The following MAX variants were observed in gnomAD, a reference collection of about 807,000 sequenced individuals.
MAX encodes MYC associated transcriptional regulator X, also known as protein max.
MAX carries 3 observed loss-of-function variants against 22.3 expected under a neutral mutation model. The observed-to-expected ratio is 0.13, with a 90% CI of 0.06 to 0.35. MAX has a LOEUF of 0.35. Among genes scored for constraint, MAX ranks in the 10% least tolerant of loss-of-function variants. The pLI is 1.00. For missense variants in MAX, 119 were observed against 209.4 expected (o/e 0.57, Z 2.66); for synonymous variants, 72 against 77.7 (o/e 0.93, Z 0.39).
rs1301907346 is a variant in MAX, at chr14:65,030,749, A to G, written c.172-24465T>C. Among the ~76,000 whole-genome samples, 1 of 152,024 alleles carries G rather than the reference A, an allele frequency of 6.6e-6. No individual in the cohort carries two copies. The highest frequency in any genetic ancestry group is 1.5e-5 in the Non-Finnish European group (1 of 68,000). On this transcript the variant is annotated intron_variant, in intron 3 of 3. Coordinates refer to the MAX transcript ENST00000341653. This position sits in a 1 kb window ranked among gnomAD's most constrained non-coding sequence, Gnocchi z 4.5. Reference sequence around the variant, plus strand: ...AGTGAGATCCTATCTTAAAAAAAAAAAAGAAGATGGAAACTAGGCCCTTCT... The same window carrying G: ...AGTGAGATCCTATCTTAAAAAAAAAGAAGAAGATGGAAACTAGGCCCTTCT...
intron 3 of MAX, among the ~76,000 whole-genome samples, chr14:65,060,741 C>G (rs1395840992): frequency 6.8e-6 from 1 of 147,556 alleles, no homozygotes; most frequent in Non-Finnish European, 1.5e-5. Flanking sequence ...GGCGTGGTGG[C>G]TCACACCTGT....
In MAX at chr14:65,027,438, T is replaced by C. The variant is rs773669436; in HGVS notation, c.172-21154A>G. The C allele has an allele frequency of 2.5e-6, 4 of 1,613,570 alleles. No individual in the cohort carries two copies. The highest frequency in any genetic ancestry group is 3.4e-6 in the Non-Finnish European group (4 of 1,179,794). On this transcript the variant is annotated intron_variant, in intron 3 of 3. Transcript: ENST00000341653. The surrounding 1 kb of genome is among the most constrained non-coding windows in gnomAD (Gnocchi z 5.7). Reference sequence around the variant, plus strand: ...GCTCTCTGACTTTGTTTTTGCCCTTTGGCTGTGTACCTAGTGTGTGTCAGT... The same window carrying C: ...GCTCTCTGACTTTGTTTTTGCCCTTCGGCTGTGTACCTAGTGTGTGTCAGT...
rs983039906 is a variant in MAX, at chr14:65,102,437, C to CCACA, written c.-102_-99dup. 5.2e-6 allele frequency: 8 copies of CCACA among 1,551,728 alleles called. No homozygotes were observed. Among genetic ancestry groups the CCACA allele is most frequent in the South Asian group, 3.6e-5 (3 of 84,272 alleles). Reference sequence around the variant, plus strand: ...CCGACAACAACAAGCCGAGTCCCCCCCACACACACACTCACTCACTCACTC... The same window carrying CCACA: ...CCGACAACAACAAGCCGAGTCCCCCCCACACACACACACACTCACTCACTCACTC... On this transcript the variant is annotated 5_prime_UTR_variant, in exon 1 of 5. Coordinates refer to ENST00000358664, the MANE Select transcript of MAX (RefSeq NM_002382.5).
In MAX at chr14:65,017,677, G is replaced by A. The variant is rs1416502703; in HGVS notation, c.172-11393C>T. The stretch of plus-strand genomic sequence containing the variant: ...AAAAATTTTTTTTAAATGTAAAGCT[G>A]GGTGTGGTGGCTCACGCCTGTAATC... On this transcript the variant is annotated intron_variant, in intron 3 of 3. Transcript: ENST00000341653. Among the ~76,000 whole-genome samples the A allele has an allele frequency of 2.0e-5, 3 of 152,192 alleles. No homozygotes were observed. In the East Asian group the frequency reaches 5.8e-4, roughly 29 times the overall value.
Position 65,076,578 on chromosome 14 carries a change from C to T in MAX, c.381G>A (p.Lys127=). ...CATCGAAGGCAGAGATGGTGCTGCC[C>T]TTGGCGTTGGTGTAGAGGCTGTTGT... ...SSDNSLYTNA[K]GSTISAFDGG... Residue 127 remains lysine, a synonymous_variant, in exon 5 of 5, where the codon AAG becomes AAA. Coordinates refer to ENST00000358664, the MANE Select transcript of MAX (RefSeq NM_002382.5). The surrounding 1 kb of genome is among the most constrained non-coding windows in gnomAD (Gnocchi z 6.6). 6.2e-7 allele frequency: 1 copy of T among 1,614,118 alleles called. No individual in the cohort carries two copies. The highest frequency in any genetic ancestry group is 8.5e-7 in the Non-Finnish European group (1 of 1,180,028).
rs1555335876 is a variant in MAX, at chr14:65,037,403, C to CTTTT, written c.172-31123_172-31120dup. 1.5e-3 allele frequency among the ~76,000 whole-genome samples: 46 copies of CTTTT among 29,678 alleles called. 7 individuals are homozygous for CTTTT. The highest frequency in any genetic ancestry group is 2.5e-3 in the Non-Finnish European group (34 of 13,694). The allele number at this position is 29,678 out of a possible 152,430, so 19.5% of individuals were successfully genotyped here. ...TAGGCGTGAGCCACCACGCCGGGCCCTTTTTTTTTTTTTTTTTTTTTTTTT... is the reference window on the plus strand; with the variant it reads ...TAGGCGTGAGCCACCACGCCGGGCCCTTTTTTTTTTTTTTTTTTTTTTTTTTTTT... On this transcript the variant is annotated intron_variant, in intron 3 of 3. Coordinates refer to the MAX transcript ENST00000341653.
rs758700113 is a variant in MAX, at chr14:65,077,949, C to T, written c.259G>A (p.Asp87Asn). The T allele has an allele frequency of 3.1e-6, 5 of 1,614,138 alleles. No individual in the cohort carries two copies. Among genetic ancestry groups the T allele is most frequent in the Non-Finnish European group, 4.2e-6 (5 of 1,180,024 alleles). ...KNHTHQQDIDDLKRQNALLEQ... is the reference protein window; with the variant it reads ...KNHTHQQDIDNLKRQNALLEQ... ...AGAAGAGCATTCTGCCGCTTGAGGT[C>T]GTCAATATCTTGCTGGTGTGTGTGG... The change falls in exon 4 of 5, where the codon GAC becomes AAC. Residue 87 changes from aspartate (D) to asparagine (N), a missense_variant. By Grantham distance (23) the Asp-to-Asn change is conservative. Transcript: ENST00000358664. This position sits in a 1 kb window ranked among gnomAD's most constrained non-coding sequence, Gnocchi z 6.3.
intron 3 of MAX, among the ~76,000 whole-genome samples, chr14:65,043,896 A>G (rs956420222): frequency 2.0e-5 from 3 of 151,262 alleles, no homozygotes; most frequent in Non-Finnish European, 2.9e-5. Context: ...TCTGCTTTTA[A>G]TAAACTCCCC....
At chr14:65,072,377 C>T (rs575443156), downstream of MAX, among the ~76,000 whole-genome samples, 1 of 152,286 alleles carries the variant, frequency 6.6e-6, no homozygotes, top group Admixed American at 6.5e-5. Flanking sequence ...TGGAGGCATG[C>T]TGGGAGCACG....
chr14:65,092,766 C>T lies in MAX; in HGVS notation c.171+942G>A, dbSNP rs191010199. Among the ~76,000 whole-genome samples, 314 of 152,274 alleles carry T rather than the reference C, an allele frequency of 2.1e-3. 3 individuals carry two copies. Among genetic ancestry groups the T allele is most frequent in the Non-Finnish European group, 2.2e-3 (147 of 68,012 alleles). ...TATAAAAAATGAAAGCATAAGGGTT[C>T]CAAATTTGATCTTGGATAACCAAAC... On this transcript the variant is annotated intron_variant, in intron 3 of 4. Transcript: ENST00000358664.
At chr14:65,056,880 T>C (rs1378870165) in intron 3 of MAX, among the ~76,000 whole-genome samples, 1 of 152,214 alleles carries the variant, frequency 6.6e-6, no homozygotes, top group Admixed American at 6.5e-5. Flanking sequence ...CATGGTTCTA[T>C]AGACTGAGAA....
At chr14:65,096,104 G>A (rs1297494652) in intron 2 of MAX, among the ~76,000 whole-genome samples, 5 of 152,156 alleles carry the variant, frequency 3.3e-5, no homozygotes, top group Non-Finnish European at 7.4e-5. Flanking sequence ...AGTTTGAGAA[G>A]TTGGCTCAAC....
chr14:65,087,921 G>A (rs184540707), intron 3 of MAX, among the ~76,000 whole-genome samples: 43 of 152,108 alleles, frequency 2.8e-4, no homozygotes, highest in Non-Finnish European at 4.0e-4. Context: ...ATTGAATCAC[G>A]GGGACAGGTC....
At chr14:65,094,070 A>T in intron 2 of MAX, 1 of 489,372 alleles carries the variant, frequency 2.0e-6, no homozygotes, top group Non-Finnish European at 3.8e-6. Context: ...GTAAAATAAA[A>T]GTTATTCAGG....
intron 3 of MAX, among the ~76,000 whole-genome samples, chr14:65,008,343 C>A (rs576932595): frequency 6.6e-6 from 1 of 152,272 alleles, no homozygotes; most frequent in East Asian, 1.9e-4. Flanking sequence ...TTTGTGTGAT[C>A]CTCTCTTTCA....
At chr14:65,099,554 A>T (rs1193399823) in intron 2 of MAX, among the ~76,000 whole-genome samples, 1 of 151,996 alleles carries the variant, frequency 6.6e-6, no homozygotes, top group Admixed American at 6.5e-5. Context: ...AAACAAACAA[A>T]CAAACAAAAA....
In MAX at chr14:65,084,543, G is replaced by A. The variant is rs139439069; in HGVS notation, c.172-6507C>T. Among the ~76,000 whole-genome samples, 20 of 151,966 alleles carry A rather than the reference G, an allele frequency of 1.3e-4. No homozygotes were observed. The highest frequency in any genetic ancestry group is 4.8e-4 in the African/African-American group (20 of 41,430). On this transcript the variant is annotated intron_variant, in intron 3 of 4. Coordinates refer to ENST00000358664, the MANE Select transcript of MAX (RefSeq NM_002382.5). The surrounding 1 kb of genome is among the most constrained non-coding windows in gnomAD (Gnocchi z 4.3). ...CTTGGAAAGCATTTTGGCAACACAC[G>A]GAAAAAGGTCAGATGCTCGCACCCC...
Position 65,075,371 on chromosome 14 carries a change from C to T in MAX, c.*1105G>A. On this transcript the variant is annotated 3_prime_UTR_variant, in exon 5 of 5. Transcript: ENST00000358664. This position sits in a 1 kb window ranked among gnomAD's most constrained non-coding sequence, Gnocchi z 4.1. ...TGGCATCTGCTGACCACAGCCAGAA[C>T]CAGGGCTGGATCACACAATGGAGAC... 1 of 1,063,274 alleles carries T rather than the reference C, an allele frequency of 9.4e-7. No homozygotes were observed. The highest frequency in any genetic ancestry group is 1.1e-6 in the Non-Finnish European group (1 of 877,754). 65.9% of individuals were successfully genotyped at this position (1,063,274 alleles called of 1,614,324 possible).
At chr14:65,067,092 G>T (rs1364330310) in intron 3 of MAX, among the ~76,000 whole-genome samples, 2 of 151,426 alleles carry the variant, frequency 1.3e-5, no homozygotes, top group Admixed American at 1.3e-4. Flanking sequence ...AGGCTAAGAT[G>T]GGGGGTCACT....
Sources: allele counts gnomAD v4.1 joint callset (sites outside exome capture counted in the v4.1 genomes callset), GRCh38; gene constraint gnomAD v4.1.1; non-coding constraint Gnocchi (gnomAD v3.1); transcripts MANE v1.5; gene names NCBI Gene and HGNC (gene_info 2026-07-23, HGNC 2026-07-21).